The following LSAMP variants were observed in gnomAD, a reference collection of about 807,000 sequenced individuals.
The protein encoded by LSAMP is limbic system associated membrane protein, also known as limbic system-associated membrane protein.
In LSAMP, 7 loss-of-function variants were observed where a neutral mutation model predicts 38.6. The ratio of observed to expected loss-of-function variants is 0.18; its 90% CI spans 0.10 to 0.34. LSAMP has a LOEUF of 0.34. LSAMP is among the 10% of genes least tolerant of loss of function. LSAMP has a pLI of 1.00. For missense variants in LSAMP, 313 were observed against 420.0 expected (o/e 0.75, Z 2.23); for synonymous variants, 154 against 166.8 (o/e 0.92, Z 0.59).
At chr3:115,988,630 T>C (rs547494102) in intron 3 of LSAMP, among the ~76,000 whole-genome samples, 59 of 152,068 alleles carry the variant, frequency 3.9e-4, no homozygotes, top group Non-Finnish European at 7.5e-4. Flanking sequence ...TGTGGGTGGA[T>C]GTAGCATGAA....
At chr3:116,302,862 T>A (rs931208459) in intron 1 of LSAMP, among the ~76,000 whole-genome samples, 19 of 152,178 alleles carry the variant, frequency 1.2e-4, no homozygotes, top group African/African-American at 4.6e-4. Flanking sequence ...CTCCCAATGA[T>A]TCCATTAGGA....
chr3:116,351,779 G>A (rs910559799), intron 1 of LSAMP, among the ~76,000 whole-genome samples: 3 of 151,986 alleles, frequency 2.0e-5, no homozygotes, highest in East Asian at 1.9e-4. Flanking sequence ...TGGCTCACAC[G>A]TAATGTGAAT....
intron 1 of LSAMP, among the ~76,000 whole-genome samples, chr3:116,196,295 C>G (rs371342755): frequency 1.3e-5 from 2 of 152,134 alleles, no homozygotes; most frequent in South Asian, 2.1e-4. Context: ...ATTCCTGGCT[C>G]TAAGTCTTCT....
chr3:115,966,250 A>G (rs1405199849), intron 3 of LSAMP, among the ~76,000 whole-genome samples: 1 of 152,256 alleles, frequency 6.6e-6, no homozygotes, highest in Non-Finnish European at 1.5e-5. Flanking sequence ...AAATTTGGGA[A>G]TGAAAATTGT....
chr3:116,235,333 C>T (rs144687662), intron 1 of LSAMP, among the ~76,000 whole-genome samples: 1 of 151,902 alleles, frequency 6.6e-6, no homozygotes, highest in African/African-American at 2.4e-5. Flanking sequence ...ATAGACTGGT[C>T]TTGAACTGCT....
chr3:115,922,636 T>C (rs1937408759), intron 3 of LSAMP, among the ~76,000 whole-genome samples: 1 of 152,104 alleles, frequency 6.6e-6, no homozygotes, highest in Non-Finnish European at 1.5e-5. Context: ...AACTTTTTAT[T>C]TGGGTCCACA....
rs555578830 is a variant in LSAMP at position 116,302,320 on chromosome 3, G to A, written c.155+142557C>T. Among the ~76,000 whole-genome samples the A allele has an allele frequency of 2.0e-5, 3 of 152,264 alleles. No individual in the cohort carries two copies. In the South Asian group the frequency reaches 6.2e-4, roughly 32 times the overall value. On this transcript the variant is annotated intron_variant, in intron 1 of 6. Transcript: ENST00000490035. ...TTCCCCCATGACTCACTGTCGCTCT[G>A]TAAATATGCTCATTTTACCTGTTTC...
chr3:116,443,539 A>G (rs1328846018), intron 1 of LSAMP, among the ~76,000 whole-genome samples: 1 of 152,206 alleles, frequency 6.6e-6, no homozygotes, highest in Non-Finnish European at 1.5e-5. Flanking sequence ...CTCCCAAAGC[A>G]GGACACTGTG....
chr3:116,121,616 G>A (rs2107488376), intron 1 of LSAMP, among the ~76,000 whole-genome samples: 1 of 152,270 alleles, frequency 6.6e-6, no homozygotes, highest in East Asian at 1.9e-4. Context: ...TACTAACTCG[G>A]TGAAGTTTCC....
chr3:116,229,910 G>A (rs1371972304), intron 1 of LSAMP, among the ~76,000 whole-genome samples: 1 of 152,150 alleles, frequency 6.6e-6, no homozygotes, highest in Non-Finnish European at 1.5e-5. Flanking sequence ...GAGGGTAACT[G>A]AATTATAAGG....
chr3:116,082,705 C>G (rs1707898423), intron 2 of LSAMP, among the ~76,000 whole-genome samples: 1 of 152,064 alleles, frequency 6.6e-6, no homozygotes, highest in Non-Finnish European at 1.5e-5. Flanking sequence ...ATTATGCAGC[C>G]ATAAAAAAGA....
intron 1 of LSAMP, among the ~76,000 whole-genome samples, chr3:116,341,703 G>A (rs938337030): frequency 2.6e-5 from 4 of 152,018 alleles, no homozygotes; most frequent in South Asian, 2.1e-4. Flanking sequence ...ATGCTATTTC[G>A]AATTGAATAC....
intron 1 of LSAMP, among the ~76,000 whole-genome samples, chr3:116,136,904 T>C: frequency 6.6e-6 from 1 of 152,130 alleles, no homozygotes; most frequent in Non-Finnish European, 1.5e-5. Flanking sequence ...TCCTAGGGAC[T>C]GCCATAAAAA....
At chr3:115,863,260 A>C (rs530744324) in intron 3 of LSAMP, among the ~76,000 whole-genome samples, 45 of 152,314 alleles carry the variant, frequency 3.0e-4, no homozygotes, top group African/African-American at 1.0e-3. Flanking sequence ...AAATAAAGAA[A>C]GTCCACAAGA....
chr3:115,907,267 T>C (rs1937029084), intron 3 of LSAMP, among the ~76,000 whole-genome samples: 1 of 152,152 alleles, frequency 6.6e-6, no homozygotes, highest in African/African-American at 2.4e-5. Flanking sequence ...AAAATTTATA[T>C]GTTGCAACCT....
chr3:115,812,015 G>C (rs747808530), intron 6 of LSAMP, among the ~76,000 whole-genome samples: 1 of 152,192 alleles, frequency 6.6e-6, no homozygotes, highest in Non-Finnish European at 1.5e-5. Context: ...GTGACTGTAA[G>C]TCTCCTGTCA....
At chr3:116,236,221 T>C (rs1438343180) in intron 1 of LSAMP, among the ~76,000 whole-genome samples, 5 of 152,148 alleles carry the variant, frequency 3.3e-5, no homozygotes, top group African/African-American at 1.2e-4. Context: ...TAGAATTTGA[T>C]GTTTTTAAAA....
chr3:116,208,263 A>C (rs998302269), intron 1 of LSAMP, among the ~76,000 whole-genome samples: 1 of 150,660 alleles, frequency 6.6e-6, no homozygotes, highest in African/African-American at 2.4e-5. Flanking sequence ...AGCTCCTTTA[A>C]GCACTTCTCT....
At chr3:116,326,165 T>G (rs1198570294) in intron 1 of LSAMP, among the ~76,000 whole-genome samples, 4 of 152,154 alleles carry the variant, frequency 2.6e-5, no homozygotes, top group Non-Finnish European at 5.9e-5. Context: ...ATCATTAAGA[T>G]GAATTCTCAA....
Sources: gnomAD v4.1 joint callset for allele counts (sites outside exome capture counted in the v4.1 genomes callset) on GRCh38, gnomAD v4.1.1 for gene constraint, MANE v1.5 for transcripts, NCBI Gene and HGNC (gene_info 2026-07-23, HGNC 2026-07-21) for gene names.